MAP3K11: variants seen among roughly 807,000 people sequenced by gnomAD.
MAP3K11 encodes SH3 domain-containing proline-rich kinase.
In MAP3K11, 46 loss-of-function variants were observed where a neutral mutation model predicts 84.9. That is an observed-to-expected ratio of 0.54 (90% confidence interval 0.43 to 0.69). MAP3K11 has a LOEUF of 0.69. Ranked by LOEUF, MAP3K11 falls within the 30% of genes least tolerant of loss-of-function variation. The pLI, the probability that MAP3K11 is intolerant of heterozygous loss-of-function variation, is 0.00. For missense variants in MAP3K11, 1,053 were observed against 1,198.3 expected (o/e 0.88, Z 1.79); for synonymous variants, 527 against 514.7 (o/e 1.02, Z -0.32).
chr11:65,608,255 C>T lies in MAP3K11; in HGVS notation c.920+13G>A, dbSNP rs770458398. 5.0e-6 allele frequency: 8 copies of T among 1,611,160 alleles called. No homozygotes were observed. The highest frequency in any genetic ancestry group is 6.8e-6 in the Non-Finnish European group (8 of 1,177,818). ...CCCCGTAGCAGCCCGTCCAGCCCCA[C>T]CAAGGGCCGCACCTCCAGACGTCAC... On this transcript the variant is annotated intron_variant, in intron 2 of 9. Transcript: ENST00000309100.
At chr11:65,606,106 G>A in intron 6 of MAP3K11, 25 bp from the exon 7 acceptor site, 2 of 1,553,942 alleles carry the variant, frequency 1.3e-6, no homozygotes, top group Non-Finnish European at 1.7e-6. Flanking sequence ...GATGAAATCG[G>A]AGATAATCTT....
intron 5 of MAP3K11, 85 bp from the exon 6 acceptor site, chr11:65,606,889 TC>T: frequency 1.2e-6 from 1 of 849,056 alleles, no homozygotes; most frequent in Non-Finnish European, 1.9e-6. Context: ...CAAGGCCAGC[TC>T]CCAGGCCACA....
intron 8 of MAP3K11, among the ~76,000 whole-genome samples, chr11:65,600,839 G>A (rs1466178896): frequency 1.3e-5 from 2 of 152,128 alleles, no homozygotes; most frequent in Non-Finnish European, 2.9e-5. Flanking sequence ...GCAGCAGGTT[G>A]GATGTCGGGA....
In MAP3K11 at chr11:65,598,271, G is replaced by A. The variant is rs764474783; in HGVS notation, c.*20C>T. On this transcript the variant is annotated 3_prime_UTR_variant, in exon 10 of 10. Coordinates refer to ENST00000309100, the MANE Select transcript of MAP3K11 (RefSeq NM_002419.4). Reference sequence around the variant, plus strand: ...ACTCCTCCTAAGGCAGCTGGAGCTCGGGGGAGTGGCCTGGCCCACTCAAGG... The same window carrying A: ...ACTCCTCCTAAGGCAGCTGGAGCTCAGGGGAGTGGCCTGGCCCACTCAAGG... 2.0e-5 allele frequency: 28 copies of A among 1,430,666 alleles called. No homozygotes were observed. In the Admixed American group the frequency reaches 3.2e-4, roughly 16 times the overall value. The allele number at this position is 1,430,666 out of a possible 1,614,324, so 88.6% of individuals were successfully genotyped here.
In MAP3K11 at chr11:65,607,299, T is replaced by C; in HGVS notation, c.1460A>G (p.Asp487Gly). 1 of 1,521,814 alleles carries C rather than the reference T, an allele frequency of 6.6e-7. No homozygotes were observed. Among genetic ancestry groups the C allele is most frequent in the Non-Finnish European group, 8.7e-7 (1 of 1,143,916 alleles). 94.3% of individuals were successfully genotyped at this position (1,521,814 alleles called of 1,614,324 possible). A position where few individuals can be genotyped will look rare whatever the true frequency, so the allele number is the denominator to read the frequency against. Residue 487 changes from aspartate (D) to glycine (G), a missense_variant, in exon 5 of 10, where the codon GAC becomes GGC. Asp to Gly is a moderately conservative substitution (Grantham distance 94). Transcript: ENST00000309100. The part of the protein sequence containing the change: ...TFKRSKLRAR[D>G]GGERISMPLD... ...TGGCATGCTGATACGCTCGCCGCCG[T>C]CGCGCGCCCGGAGCTTGCTGCGCTT...
At position 65,598,520 on chromosome 11, in the gene MAP3K11, A is replaced by G; in HGVS notation, c.2315T>C (p.Leu772Pro). 6.2e-7 allele frequency: 1 copy of G among 1,613,096 alleles called. No homozygotes were observed. Among genetic ancestry groups the G allele is most frequent in the Non-Finnish European group, 8.5e-7 (1 of 1,179,586 alleles). The change falls in exon 10 of 10, where the codon CTT (leucine) becomes CCT (proline). Residue 772 changes from leucine to proline, a missense_variant. Leu to Pro is a moderately conservative substitution (Grantham distance 98). This residue lies in a region of MAP3K11 where 583 missense variants were observed against 566.6 expected (regional missense o/e 1.03). Coordinates refer to ENST00000309100, the MANE Select transcript of MAP3K11 (RefSeq NM_002419.4). ...GLISRPRPSP[L>P]RSRIDPWSFV... ...GCTCCAGGGATCAATGCGGCTGCGA[A>G]GGGGCGAGGGCCGAGGTCGGCTGAT...
rs1251448517 is a variant in MAP3K11 at position 65,607,394 on chromosome 11, G to A, written c.1365C>T (p.Arg455=). The A allele has an allele frequency of 1.3e-6, 2 of 1,496,636 alleles. No homozygotes were observed. The highest frequency in any genetic ancestry group is 1.8e-6 in the Non-Finnish European group (2 of 1,130,326). The allele number at this position is 1,496,636 out of a possible 1,614,324, so 92.7% of individuals were successfully genotyped here. ...CCTGCTGCAGCAGCAGCGTCAGCTC[G>A]CGCTCGAACACCTCTAGCTCCCACT... ...LAQWELEVFE[R]ELTLLLQQVD... is the part of the protein sequence containing the mutation. The change falls in exon 5 of 10, where the codon CGC becomes CGT. Residue 455 remains arginine (R), a synonymous_variant. Transcript: ENST00000309100.
At chr11:65,600,521 C>T (rs1238025389) in intron 8 of MAP3K11, among the ~76,000 whole-genome samples, 3 of 152,180 alleles carry the variant, frequency 2.0e-5, no homozygotes, top group African/African-American at 4.8e-5. Context: ...GGCAGTAGAA[C>T]CTTTGCTCTC....
In MAP3K11 at chr11:65,598,138, G is replaced by T. The variant is rs545246380; in HGVS notation, c.*153C>A. 4 of 509,514 alleles carry T rather than the reference G, an allele frequency of 7.9e-6. No individual in the cohort carries two copies. The highest frequency in any genetic ancestry group is 9.4e-6 in the Non-Finnish European group (3 of 317,936). The allele number at this position is 509,514 out of a possible 1,614,324, so 31.6% of individuals were successfully genotyped here. The stretch of plus-strand genomic sequence containing the variant: ...CGCAGGTCCCCCTTCCAGTGTGAAG[G>T]CTTCCTGTGCAGTGTAGTGTTCCTG... On this transcript the variant is annotated 3_prime_UTR_variant, in exon 10 of 10. Coordinates refer to ENST00000309100, the MANE Select transcript of MAP3K11 (RefSeq NM_002419.4).
intron 8 of MAP3K11, among the ~76,000 whole-genome samples, chr11:65,605,149 T>C (rs988445257): frequency 1.3e-5 from 2 of 152,100 alleles, no homozygotes; most frequent in African/African-American, 2.4e-5. Flanking sequence ...AATGGGGTAA[T>C]AGTAGCCCCT....
At position 65,607,475 on chromosome 11, in the gene MAP3K11, C is replaced by G. The variant is rs746007884; in HGVS notation, c.1284G>C (p.Ala428=). The change falls in exon 5 of 10, where the codon GCG becomes GCC. Residue 428 remains alanine (A), a synonymous_variant. Transcript: ENST00000309100. ...LSREEELTRA[A]REQRSQAEQL... ...GCTCCGCCTGTGACCGCTGCTCGCG[C>G]GCCGCTCGCGTCAGCTCCTCCTCGC... is the stretch of plus-strand genomic sequence containing the variant. 3 of 1,565,490 alleles carry G rather than the reference C, an allele frequency of 1.9e-6. No individual in the cohort carries two copies. Among genetic ancestry groups the G allele is most frequent in the Non-Finnish European group, 2.6e-6 (3 of 1,164,660 alleles).
intron 9 of MAP3K11, among the ~76,000 whole-genome samples, chr11:65,599,006 C>G (rs1376296685): frequency 6.6e-6 from 1 of 152,140 alleles, no homozygotes; most frequent in Non-Finnish European, 1.5e-5. Flanking sequence ...AGTAAGGAGC[C>G]AGGAGTTTGC....
intron 8 of MAP3K11, among the ~76,000 whole-genome samples, chr11:65,601,020 C>T (rs1854449602): frequency 6.6e-6 from 1 of 152,236 alleles, no homozygotes; most frequent in South Asian, 2.1e-4. Flanking sequence ...AAAATGCAAA[C>T]CTGTTAAAGA....
chr11:65,600,824 G>C (rs1337243833), intron 8 of MAP3K11, among the ~76,000 whole-genome samples: 1 of 152,118 alleles, frequency 6.6e-6, no homozygotes, highest in East Asian at 1.9e-4. Flanking sequence ...CCTGCCTGGA[G>C]TGCAGCAGCA....
In MAP3K11 at chr11:65,608,374, G is replaced by A. The variant is rs1277935437; in HGVS notation, c.814C>T (p.Arg272Ter). 6.2e-7 allele frequency: 1 copy of A among 1,614,194 alleles called. No individual in the cohort carries two copies. Among genetic ancestry groups the A allele is most frequent in the Non-Finnish European group, 8.5e-7 (1 of 1,180,030 alleles). ...TLKITDFGLA[R>*]EWHKTTQMSA... ...ATTTGTGTGGTTTTGTGCCACTCTC[G>A]GGCCAGGCCAAAGTCGGTGATCTTC... The change falls in exon 2 of 10, where the codon CGA becomes TGA. Residue 272 changes from arginine to a stop codon, truncating the protein, a stop_gained. Coordinates refer to ENST00000309100, the MANE Select transcript of MAP3K11 (RefSeq NM_002419.4). LOFTEE classifies it high-confidence loss of function.
At position 65,614,087 on chromosome 11, in the gene MAP3K11, T is replaced by G; in HGVS notation, c.-331A>C. On this transcript the variant is annotated 5_prime_UTR_variant, in exon 1 of 10. Coordinates refer to ENST00000309100, the MANE Select transcript of MAP3K11 (RefSeq NM_002419.4). ...GAGCCTGGCTCCGGCCCCCGCCAAG[T>G]GTAAGGTGGGGCCTTCAGGGGCAGC... 3.5e-6 allele frequency: 1 copy of G among 286,874 alleles called. No individual in the cohort carries two copies. The highest frequency in any genetic ancestry group is 6.6e-6 in the Non-Finnish European group (1 of 151,118). 17.8% of individuals were successfully genotyped at this position (286,874 alleles called of 1,614,324 possible). A position where few individuals can be genotyped will look rare whatever the true frequency, so the allele number is the denominator to read the frequency against.
At position 65,613,307 on chromosome 11, in the gene MAP3K11, G is replaced by A. The variant is rs778437377; in HGVS notation, c.450C>T (p.Pro150=). ...LVAVKAARQD[P]DEDISVTAES... is the part of the protein sequence containing the mutation. ...CGGCTGTCACACTGATGTCCTCATC[G>A]GGGTCCTGGCGAGCTGCCTTCACAG... is the stretch of plus-strand genomic sequence containing the variant. Residue 150 remains proline, a synonymous_variant, in exon 1 of 10, where the codon CCC becomes CCT. Coordinates refer to ENST00000309100, the MANE Select transcript of MAP3K11 (RefSeq NM_002419.4). 28 of 1,613,060 alleles carry A rather than the reference G, an allele frequency of 1.7e-5. No individual in the cohort carries two copies. The highest frequency in any genetic ancestry group is 4.0e-5 in the African/African-American group (3 of 74,926).
In MAP3K11 at chr11:65,607,844, G is replaced by C. The variant is rs919953454; in HGVS notation, c.1070-28C>G. 4.4e-6 allele frequency: 7 copies of C among 1,606,698 alleles called. No homozygotes were observed. The African/African-American group carries it at 9.4e-5, about 21-fold the overall frequency. ...AGGGGCACGGCGTGCAGCGGGGACAGAATAAGAAGGGGTCCGTGGGTGGAT... is the reference window on the plus strand; with the variant it reads ...AGGGGCACGGCGTGCAGCGGGGACACAATAAGAAGGGGTCCGTGGGTGGAT... On this transcript the variant is annotated intron_variant, in intron 3 of 9. Transcript: ENST00000309100.
chr11:65,599,599 TGGGCCTCCC>T lies in MAP3K11; in HGVS notation c.1992_2000del (p.Gly666_Gly668del). On this transcript the variant is annotated inframe_deletion, in exon 9 of 10. Coordinates refer to ENST00000309100, the MANE Select transcript of MAP3K11 (RefSeq NM_002419.4). ...TCGGGGACTCCCCGCGCTCGCGTCC[TGGGCCTCCC>T]GGCGGCTGCAGGTCGCGGCCAAGGC... 6.5e-7 allele frequency: 1 copy of T among 1,541,498 alleles called. No homozygotes were observed. The highest frequency in any genetic ancestry group is 8.7e-7 in the Non-Finnish European group (1 of 1,150,992).
Sources: gnomAD v4.1 joint callset for allele counts (sites outside exome capture counted in the v4.1 genomes callset) on GRCh38, gnomAD v4.1.1 for gene constraint, gnomAD v4.1.1 regional missense constraint, MANE v1.5 for transcripts, NCBI Gene and HGNC (gene_info 2026-07-23, HGNC 2026-07-21) for gene names.